MPP3: variants seen among roughly 807,000 people sequenced by gnomAD.
The protein encoded by MPP3 is MAGUK p55 subfamily member 3.
MPP3 carries 48 observed loss-of-function variants against 80.7 expected under a neutral mutation model. The ratio of observed to expected loss-of-function variants is 0.59; its 90% CI spans 0.47 to 0.76. MPP3 has a LOEUF of 0.76. Among genes scored for constraint, MPP3 ranks in the 30% least tolerant of loss-of-function variants. The pLI is 0.00. For missense variants in MPP3, 620 were observed against 763.0 expected, an observed-to-expected ratio of 0.81 and a Z score of 2.21; for synonymous variants, 311 against 297.6, an observed-to-expected ratio of 1.04 and a Z score of -0.46.
At chr17:43,817,853 A>C in intron 12 of MPP3, 193 bp downstream of exon 12, 1 of 418,380 alleles carries the variant, frequency 2.4e-6, no homozygotes. Flanking sequence ...GACTCCAAAT[A>C]TACAAGCTCC....
chr17:43,816,578 C>A, intron 13 of MPP3, 99 bp downstream of exon 13: 1 of 1,132,854 alleles, frequency 8.8e-7, no homozygotes, highest in East Asian at 2.6e-5. Flanking sequence ...GGGAGGGGCA[C>A]AGCTGCCCAG....
At chr17:43,808,212 C>T (rs561527759) in intron 19 of MPP3, among the ~76,000 whole-genome samples, 5 of 152,284 alleles carry the variant, frequency 3.3e-5, no homozygotes, top group Admixed American at 1.3e-4. Context: ...GGGAAGGATC[C>T]GAGAAGGCCT....
At chr17:43,819,391 G>A (rs949754393) in intron 11 of MPP3, among the ~76,000 whole-genome samples, 1 of 152,258 alleles carries the variant, frequency 6.6e-6, no homozygotes, top group Non-Finnish European at 1.5e-5. Flanking sequence ...CCTTATAAAA[G>A]TGAAGAATTG....
intron 13 of MPP3, 140 bp downstream of exon 13, chr17:43,816,537 C>A: frequency 1.2e-6 from 1 of 830,238 alleles, no homozygotes; most frequent in South Asian, 1.5e-5. Context: ...CCCAGTCCAG[C>A]TGGCAGAGCA....
At chr17:43,829,950 C>T in intron 6 of MPP3, 77 bp downstream of exon 6, 1 of 1,556,656 alleles carries the variant, frequency 6.4e-7, no homozygotes, top group Non-Finnish European at 8.8e-7. Context: ...CACTCCTCAG[C>T]CTCATTAGGA....
intron 9 of MPP3, among the ~76,000 whole-genome samples, chr17:43,824,619 C>CTCTTTGCCTAAGGACTT (rs1388503532): frequency 2.6e-5 from 4 of 152,120 alleles, no homozygotes; most frequent in Non-Finnish European, 5.9e-5. Context: ...CCCAAAAGAT[C>CTCTTTGCCTAAGGACTT]ACCTCCTGGC....
In MPP3 at chr17:43,823,824, T is replaced by G. The variant is rs2045571146; in HGVS notation, c.684+107A>C. On this transcript the variant is annotated intron_variant, in intron 10 of 19. Transcript: ENST00000398389. ...CAGATTACTAGGATCAGATCTATGATCTGTTCGCAAATGACTGTTACAAGA... is the reference window on the plus strand; with the variant it reads ...CAGATTACTAGGATCAGATCTATGAGCTGTTCGCAAATGACTGTTACAAGA... 5 of 758,248 alleles carry G rather than the reference T, an allele frequency of 6.6e-6. No homozygotes were observed. The Admixed American group carries it at 7.7e-5, about 12-fold the overall frequency. 47.0% of individuals were successfully genotyped at this position (758,248 alleles called of 1,614,324 possible).
chr17:43,824,354 G>A (rs796280556), intron 9 of MPP3, among the ~76,000 whole-genome samples: 28 of 152,202 alleles, frequency 1.8e-4, no homozygotes, highest in African/African-American at 5.3e-4. Context: ...CCTCCTGACC[G>A]CTACGGCCCC....
At position 43,816,021 on chromosome 17, in the gene MPP3, CA is replaced by C. The variant is rs1362450817; in HGVS notation, c.1009+16del. Reference sequence around the variant, plus strand: ...TGGGGCAGGTCGTGCATGTGGGTGTCAGGGGGAGCTACTTACCCACATAGTG... The same window carrying C: ...TGGGGCAGGTCGTGCATGTGGGTGTCGGGGGAGCTACTTACCCACATAGTG... On this transcript the variant is annotated intron_variant, in intron 14 of 19. Transcript: ENST00000398389. The C allele has an allele frequency of 2.7e-6, 4 of 1,487,826 alleles. No homozygotes were observed. 92.2% of individuals were successfully genotyped at this position (1,487,826 alleles called of 1,614,324 possible).
intron 16 of MPP3, among the ~76,000 whole-genome samples, chr17:43,812,627 C>T (rs566118478): frequency 6.6e-6 from 1 of 152,318 alleles, no homozygotes; most frequent in East Asian, 1.9e-4. Flanking sequence ...ATAAAAGTCA[C>T]TGCCTCTGGG....
chr17:43,818,807 T>A (rs112844621), intron 11 of MPP3, among the ~76,000 whole-genome samples: 8,427 of 151,920 alleles, frequency 0.055, 317 homozygotes, highest in East Asian at 0.15. Context: ...ACGTCTGTAA[T>A]CCCAGCTACT....
chr17:43,819,052 C>T (rs1004875702), intron 11 of MPP3: 4 of 152,174 alleles, frequency 2.6e-5, no homozygotes, highest in African/African-American at 7.2e-5. Flanking sequence ...GACAGAGCTT[C>T]GTTCTCAGAC....
intron 14 of MPP3, among the ~76,000 whole-genome samples, chr17:43,815,084 G>A (rs2045049875): frequency 6.6e-6 from 1 of 152,228 alleles, no homozygotes; most frequent in Non-Finnish European, 1.5e-5. Flanking sequence ...CTGTATCCCA[G>A]CACTTTGGTA....
chr17:43,809,766 C>A (rs1012874666), intron 18 of MPP3, among the ~76,000 whole-genome samples: 4 of 152,110 alleles, frequency 2.6e-5, no homozygotes, highest in Admixed American at 2.6e-4. Context: ...GTAGTCCCAG[C>A]TACTCGGGAG....
At chr17:43,827,246 C>T (rs1422866869) in intron 8 of MPP3, among the ~76,000 whole-genome samples, 1 of 151,722 alleles carries the variant, frequency 6.6e-6, no homozygotes, top group African/African-American at 2.4e-5. Flanking sequence ...GAACTCCCGA[C>T]CTCAGGTGAT....
In MPP3 at chr17:43,832,815, G is replaced by A. The variant is rs922157361; in HGVS notation, c.-92C>T. ...CACCGACTCCCGCTCGCTCTCCGAA[G>A]GAACCTGTGGGAGAACAAGGAGCGC... On this transcript the variant is annotated 5_prime_UTR_variant, in exon 2 of 20. Coordinates refer to ENST00000398389, the MANE Select transcript of MPP3 (RefSeq NM_001932.6). 2 of 152,388 alleles carry A rather than the reference G, an allele frequency of 1.3e-5. No individual in the cohort carries two copies. The highest frequency in any genetic ancestry group is 2.4e-5 in the African/African-American group (1 of 41,456). The allele number at this position is 152,388 out of a possible 1,614,324, so 9.4% of individuals were successfully genotyped here.
chr17:43,831,329 GAC>G lies in MPP3; in HGVS notation c.145-10_145-9del. The G allele has an allele frequency of 6.2e-7, 1 of 1,613,654 alleles. No individual in the cohort carries two copies. The highest frequency in any genetic ancestry group is 2.2e-5 in the East Asian group (1 of 44,872). On this transcript the variant is annotated splice_polypyrimidine_tract_variant and intron_variant, in intron 4 of 19. Transcript: ENST00000398389. ...GCGAAGCTTCTCATGAATCTGCAAA[GAC>G]AGAGTATTTCAGATGCACCCTGGAC...
Position 43,827,831 on chromosome 17 carries a change from C to A in MPP3, c.443G>T (p.Gly148Val). Residue 148 changes from glycine (G) to valine (V), a missense_variant and splice_region_variant, in exon 8 of 20, where the codon GGT (glycine) becomes GTT (valine). Transcript: ENST00000398389. ...VRLVKNKEPL[G>V]ATIRRDEHSG... ...GTGCTCGTCCCGCCGGATGGTGGCA[C>A]CCTGAACCCGAGACAGAAGAGACAG... 6.2e-7 allele frequency: 1 copy of A among 1,613,202 alleles called. No individual in the cohort carries two copies. Among genetic ancestry groups the A allele is most frequent in the South Asian group, 1.1e-5 (1 of 91,078 alleles).
intron 9 of MPP3, among the ~76,000 whole-genome samples, chr17:43,824,392 T>G (rs2045602220): frequency 6.6e-6 from 1 of 152,154 alleles, no homozygotes; most frequent in Admixed American, 6.5e-5. Context: ...GCTTTTCTCC[T>G]GGGTCATCTG....
Sources: allele counts gnomAD v4.1 joint callset (sites outside exome capture counted in the v4.1 genomes callset), GRCh38; gene constraint gnomAD v4.1.1; transcripts MANE v1.5; gene names NCBI Gene and HGNC (gene_info 2026-07-23, HGNC 2026-07-21).